CENPP: variants seen among roughly 807,000 people sequenced by gnomAD.
CENPP encodes the protein centromere protein P.
Under a neutral mutation model 35.6 loss-of-function variants are expected in CENPP, and 24 were observed. The observed-to-expected ratio is 0.67, with a 90% CI of 0.49 to 0.95. The LOEUF is 0.95. CENPP is among the 40% of genes least tolerant of loss of function. CENPP has a pLI of 0.00. For synonymous variants in CENPP, 120 were observed against 125.5 expected (o/e 0.96, Z 0.29); for missense variants, 332 against 345.3 (o/e 0.96, Z 0.31).
intron 5 of CENPP, among the ~76,000 whole-genome samples, chr9:92,520,275 C>T (rs73522310): frequency 0.014 from 2,110 of 151,490 alleles, 57 homozygotes; most frequent in African/African-American, 0.049. Context: ...AGAGCAAGAC[C>T]CCATCTCTTA....
rs572305019 is a variant in CENPP, at chr9:92,427,646, A to G, written c.564+47787A>G. 1.5e-4 allele frequency among the ~76,000 whole-genome samples: 23 copies of G among 150,746 alleles called. No homozygotes were observed. In the South Asian group the frequency reaches 4.8e-3, roughly 32 times the overall value. ...CAGGCATGTGCCACCATGTCTGGCT[A>G]ATTTTGTATTTTCAGTAGAGTCGGG... On this transcript the variant is annotated intron_variant, in intron 5 of 7. Transcript: ENST00000375587.
At chr9:92,578,581 G>A (rs1192318796) in intron 5 of CENPP, among the ~76,000 whole-genome samples, 1 of 152,166 alleles carries the variant, frequency 6.6e-6, no homozygotes, top group Admixed American at 6.5e-5. Context: ...TGTGTCTGTT[G>A]GCTGCATAAA....
intron 5 of CENPP, among the ~76,000 whole-genome samples, chr9:92,580,285 C>G (rs902149255): frequency 6.6e-6 from 1 of 152,186 alleles, no homozygotes; most frequent in East Asian, 1.9e-4. Context: ...TGTCTCTGCC[C>G]GGCTTTGGTA....
Position 92,370,167 on chromosome 9 carries a change from T to A in CENPP, c.468-9596T>A, listed in dbSNP as rs140075384. On this transcript the variant is annotated intron_variant, in intron 4 of 7. Transcript: ENST00000375587. ...CCTTGCATCCTTGGTATAAATTACATCTGATCATGGTATATTATCTTTCTC... is the reference window on the plus strand; with the variant it reads ...CCTTGCATCCTTGGTATAAATTACAACTGATCATGGTATATTATCTTTCTC... Among the ~76,000 whole-genome samples the A allele has an allele frequency of 1.4e-4, 21 of 152,356 alleles. No homozygotes were observed. The East Asian group carries it at 4.0e-3, about 29-fold the overall frequency.
At chr9:92,373,593 C>T (rs915237885) in intron 4 of CENPP, among the ~76,000 whole-genome samples, 2 of 152,134 alleles carry the variant, frequency 1.3e-5, no homozygotes, top group East Asian at 1.9e-4. Context: ...TTTGGGAGCC[C>T]GAGGTGGGCG....
intron 5 of CENPP, among the ~76,000 whole-genome samples, chr9:92,418,677 A>T (rs970354854): frequency 6.6e-6 from 1 of 152,018 alleles, no homozygotes; most frequent in Non-Finnish European, 1.5e-5. Flanking sequence ...TACAACTTCT[A>T]TTTGCTGATA....
At chr9:92,430,760 A>C (rs1844087306) in intron 5 of CENPP, among the ~76,000 whole-genome samples, 1 of 151,968 alleles carries the variant, frequency 6.6e-6, no homozygotes, top group African/African-American at 2.4e-5. Flanking sequence ...TTTTAGGACT[A>C]TTATGGTTTC....
At chr9:92,612,884 G>GC in intron 7 of CENPP, 135 bp from the exon 8 acceptor site, 4 of 1,059,294 alleles carry the variant, frequency 3.8e-6, no homozygotes, top group Non-Finnish European at 5.6e-6. Flanking sequence ...CTCCTCGCCC[G>GC]CCACTAGCAT....
intron 5 of CENPP, among the ~76,000 whole-genome samples, chr9:92,395,427 A>G (rs1007609568): frequency 9.2e-5 from 14 of 152,200 alleles, no homozygotes; most frequent in African/African-American, 2.7e-4. Flanking sequence ...TGGTCATTTC[A>G]TATGGACATT....
At chr9:92,518,537 A>G (rs1847869310) in intron 5 of CENPP, among the ~76,000 whole-genome samples, 1 of 152,166 alleles carries the variant, frequency 6.6e-6, no homozygotes, top group South Asian at 2.1e-4. Flanking sequence ...ACACTGAGCT[A>G]TGTCTTTTAT....
In CENPP at chr9:92,439,379, T is replaced by C. The variant is rs954489480; in HGVS notation, c.564+59520T>C. 3.3e-5 allele frequency among the ~76,000 whole-genome samples: 5 copies of C among 152,000 alleles called. No homozygotes were observed. In the East Asian group the frequency reaches 5.8e-4, roughly 18 times the overall value. ...TTTTTGGAAAAAATAATTTAAAATA[T>C]ATATATTTTTAAAATATGTGGGAAA... On this transcript the variant is annotated intron_variant, in intron 5 of 7. Transcript: ENST00000375587.
Position 92,613,136 on chromosome 9 carries a change from A to C in CENPP, c.854A>C (p.Glu285Ala). Residue 285 changes from glutamate to alanine, a missense_variant, in exon 8 of 8, where the codon GAG becomes GCG. Transcript: ENST00000375587. ...LESLIKSLCA[E>A]ENN ...AGCCTGATAAAATCGCTTTGTGCAG[A>C]GGAGAACAACTAGTTCCAAAACAGT... The C allele has an allele frequency of 6.2e-7, 1 of 1,614,110 alleles. No individual in the cohort carries two copies. Among genetic ancestry groups the C allele is most frequent in the Non-Finnish European group, 8.5e-7 (1 of 1,179,924 alleles).
rs141269345 is a variant in CENPP, at chr9:92,460,788, G to A, written c.564+80929G>A. On this transcript the variant is annotated intron_variant, in intron 5 of 7. Coordinates refer to ENST00000375587, the MANE Select transcript of CENPP (RefSeq NM_001012267.3). ...ATCTCCTGGGTTCAAGCAGTTCTTCGGCCTCAGCCTCCTGAGTAGCTGAGA... is the reference window on the plus strand; with the variant it reads ...ATCTCCTGGGTTCAAGCAGTTCTTCAGCCTCAGCCTCCTGAGTAGCTGAGA... Among the ~76,000 whole-genome samples, 6 of 151,974 alleles carry A rather than the reference G, an allele frequency of 3.9e-5. No individual in the cohort carries two copies. The South Asian group carries it at 8.3e-4, about 21-fold the overall frequency.
intron 5 of CENPP, among the ~76,000 whole-genome samples, chr9:92,479,478 G>C (rs1246189804): frequency 6.6e-6 from 1 of 152,170 alleles, no homozygotes; most frequent in African/African-American, 2.4e-5. Flanking sequence ...GAGAATAAGA[G>C]ATGAAGACCT....
chr9:92,329,625 A>G (rs776918674), intron 1 of CENPP, among the ~76,000 whole-genome samples: 4 of 151,260 alleles, frequency 2.6e-5, no homozygotes, highest in Non-Finnish European at 4.4e-5. Flanking sequence ...ACCTTCACCC[A>G]CCTCCCATGC....
At chr9:92,572,909 T>G (rs1025135834) in intron 5 of CENPP, among the ~76,000 whole-genome samples, 9 of 152,214 alleles carry the variant, frequency 5.9e-5, no homozygotes, top group African/African-American at 2.2e-4. Flanking sequence ...GCATGTGTCA[T>G]GTAGTTCTTG....
Position 92,489,192 on chromosome 9 carries a change from TG to T in CENPP, c.564+109334del, listed in dbSNP as rs543173843. On this transcript the variant is annotated intron_variant, in intron 5 of 7. Transcript: ENST00000375587. The stretch of plus-strand genomic sequence containing the variant: ...ATAAGCTGAAGCCTTATTTAAGACA[TG>T]TAGAATCAAACATGGACTAATTCAG... 1.9e-4 allele frequency among the ~76,000 whole-genome samples: 29 copies of T among 152,360 alleles called. No homozygotes were observed. The South Asian group carries it at 6.0e-3, about 32-fold the overall frequency.
intron 5 of CENPP, chr9:92,403,230 G>A: frequency 6.5e-7 from 1 of 1,538,422 alleles, no homozygotes; most frequent in South Asian, 1.2e-5. Flanking sequence ...TAGAAATAAA[G>A]TACCTTAATA....
chr9:92,562,936 C>G (rs1849883086), intron 5 of CENPP, among the ~76,000 whole-genome samples: 1 of 152,140 alleles, frequency 6.6e-6, no homozygotes, highest in East Asian at 1.9e-4. Context: ...TTCCCCATTA[C>G]TGGAAGATGA....
Sources: allele counts gnomAD v4.1 joint callset (sites outside exome capture counted in the v4.1 genomes callset), GRCh38; gene constraint gnomAD v4.1.1; transcripts MANE v1.5; gene names NCBI Gene and HGNC (gene_info 2026-07-23, HGNC 2026-07-21).